The following LIPA variants were observed in gnomAD, a reference collection of about 807,000 sequenced individuals.
LIPA encodes lysosomal acid lipase/cholesteryl ester hydrolase.
In LIPA, 26 loss-of-function variants were observed where a neutral mutation model predicts 40.6. The ratio of observed to expected loss-of-function variants is 0.64; its 90% CI spans 0.47 to 0.89. LIPA has a LOEUF of 0.89. Ranked by LOEUF, LIPA falls within the 40% of genes least tolerant of loss-of-function variation. The probability of loss-of-function intolerance (pLI) is 0.00; values close to 1 mark genes in which losing one functional copy is unlikely to be tolerated. For missense variants in LIPA, 455 were observed against 479.6 expected (o/e 0.95, Z 0.48); for synonymous variants, 188 against 168.4 (o/e 1.12, Z -0.90).
At chr10:89,388,495 T>C (rs1229840509) in intron 2 of LIPA, among the ~76,000 whole-genome samples, 1 of 149,200 alleles carries the variant, frequency 6.7e-6, no homozygotes, top group African/African-American at 2.4e-5. Context: ...TATTATATAA[T>C]AGATCACATG....
intron 2 of LIPA, chr10:89,406,174 G>A (rs1468259505): frequency 3.3e-5 from 5 of 152,178 alleles, no homozygotes; most frequent in Non-Finnish European, 5.9e-5. Context: ...GTGCCATGGC[G>A]GTTTGCTGAA....
chr10:89,307,491 T>G, intron 1 of LIPA: 6 of 810,808 alleles, frequency 7.4e-6, no homozygotes, highest in Non-Finnish European at 1.2e-5. Context: ...ACTAAGACAC[T>G]GGCCATACCA....
At chr10:89,306,113 A>G (rs764654613) in intron 1 of LIPA, 8 of 1,614,118 alleles carry the variant, frequency 5.0e-6, no homozygotes, top group Admixed American at 3.3e-5. Context: ...CAAAGCCACA[A>G]TGTGCAACCT....
chr10:89,332,839 G>T (rs1382603709), intron 1 of LIPA, among the ~76,000 whole-genome samples: 4 of 152,212 alleles, frequency 2.6e-5, no homozygotes, highest in African/African-American at 9.6e-5. Flanking sequence ...GGAGCTGGGA[G>T]CTGGGAAGGG....
At chr10:89,356,736 A>G (rs1843990676) in intron 2 of LIPA, among the ~76,000 whole-genome samples, 1 of 152,248 alleles carries the variant, frequency 6.6e-6, no homozygotes, top group African/African-American at 2.4e-5. Context: ...AATAATAGAA[A>G]TAAAGTGCAC....
intron 2 of LIPA, among the ~76,000 whole-genome samples, chr10:89,351,658 T>C (rs1241141039): frequency 1.3e-5 from 2 of 152,212 alleles, no homozygotes; most frequent in Non-Finnish European, 2.9e-5. Flanking sequence ...GGAGACAGCT[T>C]CTTTTCTTCC....
chr10:89,360,255 T>C (rs1027588607), intron 2 of LIPA, among the ~76,000 whole-genome samples: 6 of 152,216 alleles, frequency 3.9e-5, no homozygotes, highest in Admixed American at 6.5e-5. Flanking sequence ...CACCCCAGAA[T>C]GTGCCTGTGG....
At chr10:89,340,221 T>C (rs901553122) in intron 1 of LIPA, 5 of 1,329,744 alleles carry the variant, frequency 3.8e-6, no homozygotes, top group Non-Finnish European at 5.1e-6. Flanking sequence ...CTGGGATTGC[T>C]GAGCAGGGAA....
rs1436573817 is a variant in LIPA, at chr10:89,214,131, T to G, written c.*697A>C. 1 of 152,348 alleles carries G rather than the reference T, an allele frequency of 6.6e-6. No homozygotes were observed. Among genetic ancestry groups the G allele is most frequent in the Non-Finnish European group, 1.5e-5 (1 of 68,132 alleles). 9.4% of individuals were successfully genotyped at this position (152,348 alleles called of 1,614,324 possible). A position where few individuals can be genotyped will look rare whatever the true frequency, so the allele number is the denominator to read the frequency against. ...TTGAGTGTATCAGTCTTCAAAGCAT[T>G]TAAAACATACTTTTGTTTTTGTTTT... On this transcript the variant is annotated 3_prime_UTR_variant, in exon 10 of 10. Transcript: ENST00000336233.
chr10:89,344,034 A>T (rs995754051), upstream of LIPA, among the ~76,000 whole-genome samples: 1 of 152,158 alleles, frequency 6.6e-6, no homozygotes, highest in Non-Finnish European at 1.5e-5. Flanking sequence ...CAGTGTTGGG[A>T]AAAATCACCT....
intron 1 of LIPA, among the ~76,000 whole-genome samples, chr10:89,309,782 T>C (rs1044831247): frequency 5.3e-5 from 8 of 152,220 alleles, no homozygotes; most frequent in Non-Finnish European, 1.2e-4. Context: ...ATTATGTACA[T>C]AGCTCCAGTT....
At chr10:89,329,945 T>G (rs1843634270) in intron 1 of LIPA, among the ~76,000 whole-genome samples, 2 of 152,042 alleles carry the variant, frequency 1.3e-5, no homozygotes, top group Non-Finnish European at 2.9e-5. Flanking sequence ...AAAGGGGGGT[T>G]GTTCTCTGGT....
At chr10:89,376,985 C>G (rs543367561) in intron 2 of LIPA, among the ~76,000 whole-genome samples, 1 of 152,304 alleles carries the variant, frequency 6.6e-6, no homozygotes, top group Admixed American at 6.5e-5. Context: ...AATGCTCACT[C>G]AGAGGGAAAT....
chr10:89,374,376 G>A lies in LIPA; in HGVS notation c.61+38415C>T, dbSNP rs2133598990. On this transcript the variant is annotated intron_variant, in intron 2 of 8. Coordinates refer to the LIPA transcript ENST00000371837. ...TCTCTCTCTCTTACACAATGTGTTG[G>A]CTGTTTCCTTATTGTTGCTCTGTCC... is the stretch of plus-strand genomic sequence containing the variant. Among the ~76,000 whole-genome samples the A allele has an allele frequency of 1.3e-5, 2 of 151,754 alleles. 1 individual carries two copies. Among genetic ancestry groups the A allele is most frequent in the Middle Eastern group, 6.8e-3 (2 of 294 alleles).
intron 2 of LIPA, among the ~76,000 whole-genome samples, chr10:89,381,266 G>A (rs1038798028): frequency 6.6e-5 from 10 of 152,100 alleles, no homozygotes; most frequent in African/African-American, 1.9e-4. Flanking sequence ...CAAGCTCCAC[G>A]GGGCATGAGT....
intron 2 of LIPA, among the ~76,000 whole-genome samples, chr10:89,411,074 T>C (rs1447190504): frequency 2.6e-5 from 4 of 152,170 alleles, no homozygotes; most frequent in African/African-American, 9.7e-5. Flanking sequence ...CCTATAACAC[T>C]CCAATACCAC....
chr10:89,252,919 T>C (rs1022332086), upstream of LIPA, among the ~76,000 whole-genome samples: 3 of 152,062 alleles, frequency 2.0e-5, no homozygotes, highest in Non-Finnish European at 4.4e-5. Context: ...CAGCCTTAGA[T>C]ACTGGAGAAA....
At chr10:89,361,977 C>T (rs544250953) in intron 2 of LIPA, among the ~76,000 whole-genome samples, 1 of 142,090 alleles carries the variant, frequency 7.0e-6, no homozygotes, top group East Asian at 2.2e-4. Flanking sequence ...CAGCTCACTG[C>T]AGCCTCAACC....
intron 2 of LIPA, chr10:89,362,629 T>A: frequency 2.4e-6 from 1 of 416,832 alleles, no homozygotes. Flanking sequence ...TATCACCACA[T>A]AGGCAGACTG....
Sources: allele counts gnomAD v4.1 joint callset (sites outside exome capture counted in the v4.1 genomes callset), GRCh38; gene constraint gnomAD v4.1.1; transcripts MANE v1.5; gene names NCBI Gene and HGNC (gene_info 2026-07-23, HGNC 2026-07-21).